TTI2: variants seen among roughly 807,000 people sequenced by gnomAD.
TTI2 encodes the protein TELO2 interacting protein 2.
In TTI2, 26 loss-of-function variants were observed where a neutral mutation model predicts 44.9. The ratio of observed to expected loss-of-function variants is 0.58; its 90% CI spans 0.42 to 0.80. The LOEUF (loss-of-function observed/expected upper bound fraction) is 0.80, where lower values mean the gene tolerates loss of function less well. Among genes scored for constraint, TTI2 ranks in the 30% least tolerant of loss-of-function variants. TTI2 has a pLI of 0.00. For synonymous variants in TTI2, 254 were observed against 250.9 expected, an observed-to-expected ratio of 1.01 and a Z score of -0.12; for missense variants, 582 against 611.6, an observed-to-expected ratio of 0.95 and a Z score of 0.51.
chr8:33,502,688 T>C (rs1013302130), intron 6 of TTI2, among the ~76,000 whole-genome samples: 5 of 150,970 alleles, frequency 3.3e-5, no homozygotes, highest in East Asian at 3.9e-4. Context: ...TAGCCAGGCA[T>C]GGTGGAGGGC....
rs760064246 is a variant in TTI2 at position 33,512,599 on chromosome 8, G to T, written c.15C>A (p.Ser5Arg). The T allele has an allele frequency of 6.2e-7, 1 of 1,613,184 alleles. No individual in the cohort carries two copies. The highest frequency in any genetic ancestry group is 1.7e-5 in the Admixed American group (1 of 60,016). Reference protein sequence around the residue: MELDSALEAPSQEDS... With the variant: MELDRALEAPSQEDS... ...CTTCCTGCGATGGGGCTTCCAGAGC[G>T]CTGTCAAGCTCCATTCCTGACTGCA... is the stretch of plus-strand genomic sequence containing the variant. The change falls in exon 2 of 8, where the codon AGC (serine) becomes AGA (arginine). Residue 5 changes from serine (S) to arginine (R), a missense_variant. Physicochemically the swap from Ser to Arg is moderately radical, Grantham distance 110. Transcript: ENST00000431156.
chr8:33,509,646 TAAGTA>T, intron 3 of TTI2, 95 bp downstream of exon 3: 1 of 1,210,964 alleles, frequency 8.3e-7, no homozygotes, highest in Non-Finnish European at 1.2e-6. Flanking sequence ...AAAATACAAA[TAAGTA>T]AAGTTGAATG....
At chr8:33,509,364 G>A (rs1038376142) in intron 3 of TTI2, among the ~76,000 whole-genome samples, 3 of 149,564 alleles carry the variant, frequency 2.0e-5, no homozygotes, top group Non-Finnish European at 4.4e-5. Context: ...GGCAGAGGCG[G>A]AGAATTGCTT....
intron 6 of TTI2, chr8:33,501,405 C>A (rs571846851): frequency 6.6e-6 from 1 of 152,314 alleles, no homozygotes; most frequent in Admixed American, 6.5e-5. Context: ...CATACGCATA[C>A]ACACATATTC....
Position 33,511,991 on chromosome 8 carries a change from C to T in TTI2, c.623G>A (p.Gly208Glu), listed in dbSNP as rs1405472060. The change falls in exon 2 of 8, where the codon GGG (glycine) becomes GAG (glutamate). Residue 208 changes from glycine (G) to glutamate (E), a missense_variant. By Grantham distance (98) the Gly-to-Glu change is moderately conservative (BLOSUM62 -2). Transcript: ENST00000431156. ...DEKGRLSVILGLLKPDLYKES... is the reference protein window; with the variant it reads ...DEKGRLSVILELLKPDLYKES... ...CTTATACAAGTCGGGTTTGAGAAGC[C>T]CTAGTATCACCGAAAGTCTCCCTTT... The T allele has an allele frequency of 6.2e-7, 1 of 1,614,130 alleles. No individual in the cohort carries two copies. Among genetic ancestry groups the T allele is most frequent in the East Asian group, 2.2e-5 (1 of 44,888 alleles).
At position 33,503,443 on chromosome 8, in the gene TTI2, T is replaced by C; in HGVS notation, c.1245A>G (p.Gln415=). The stretch of plus-strand genomic sequence containing the variant: ...GCTGCTATTACCTGGGCCAAGTATG[T>C]TGCATGAGAAGTTTTAGGGTTTCCA... The part of the protein sequence containing the change: ...KILETLKLLM[Q]HTWPRVSCRL... The change falls in exon 6 of 8, where the codon CAA becomes CAG. Residue 415 remains glutamine (Q), a synonymous_variant. Transcript: ENST00000431156. 1.2e-6 allele frequency: 2 copies of C among 1,614,148 alleles called. No homozygotes were observed. Among genetic ancestry groups the C allele is most frequent in the Non-Finnish European group, 1.7e-6 (2 of 1,180,026 alleles).
chr8:33,502,858 G>C (rs1809141669), intron 6 of TTI2, among the ~76,000 whole-genome samples: 1 of 147,684 alleles, frequency 6.8e-6, no homozygotes, highest in African/African-American at 2.5e-5. Context: ...GGCTGGGCAT[G>C]GTGGCTCACG....
At position 33,512,106 on chromosome 8, in the gene TTI2, C is replaced by G. The variant is rs749789444; in HGVS notation, c.508G>C (p.Glu170Gln). ...GAGGTGAGCACCTCCCTAGCAACTTCCCGAGATCTCGGAGTGGTCCATGGT... is the reference window on the plus strand; with the variant it reads ...GAGGTGAGCACCTCCCTAGCAACTTGCCGAGATCTCGGAGTGGTCCATGGT... ...EQPWTTPRSR[E>Q]VAREVLTSLL... Residue 170 changes from glutamate to glutamine, a missense_variant, in exon 2 of 8, where the codon GAA becomes CAA. Coordinates refer to ENST00000431156, the MANE Select transcript of TTI2 (RefSeq NM_001102401.4). The G allele has an allele frequency of 6.2e-7, 1 of 1,614,104 alleles. No homozygotes were observed.
Position 33,509,918 on chromosome 8 carries a change from T to G in TTI2, c.662A>C (p.Asn221Thr). ...KPDLYKESWK[N>T]NPAIKHVFSW... The stretch of plus-strand genomic sequence containing the variant: ...GAAAACATGTTTGATGGCAGGGTTA[T>G]TCTTCCAGGATTCCCTAAGTGAATA... Residue 221 changes from asparagine (N) to threonine (T), a missense_variant, in exon 3 of 8, where the codon AAT becomes ACT. Physicochemically the swap from Asn to Thr is moderately conservative, Grantham distance 65. Transcript: ENST00000431156. 1 of 1,612,150 alleles carries G rather than the reference T, an allele frequency of 6.2e-7. No homozygotes were observed. The highest frequency in any genetic ancestry group is 1.1e-5 in the South Asian group (1 of 91,010).
At chr8:33,504,338 C>T (rs1028318873) in intron 4 of TTI2, among the ~76,000 whole-genome samples, 2 of 119,914 alleles carry the variant, frequency 1.7e-5, no homozygotes, top group Admixed American at 1.1e-4. Context: ...ACTCTGTCAC[C>T]TAGGCTGAAG....
chr8:33,510,845 C>T (rs1478167579), intron 2 of TTI2, among the ~76,000 whole-genome samples: 1 of 152,108 alleles, frequency 6.6e-6, no homozygotes, highest in Non-Finnish European at 1.5e-5. Context: ...CCAGTGCTAA[C>T]AAAGTAGCAA....
Position 33,500,415 on chromosome 8 carries a change from A to T in TTI2, c.1335T>A (p.Leu445=), listed in dbSNP as rs766398137. ...LICDVARDPN[L]TPESVKSALL... ...GGGCGCTCTTAACAGACTCAGGTGT[A>T]AGGTTTGGATCCCTTGCTACATCAC... Residue 445 remains leucine, a synonymous_variant, in exon 7 of 8, where the codon CTT becomes CTA. Transcript: ENST00000431156. 1 of 1,614,140 alleles carries T rather than the reference A, an allele frequency of 6.2e-7. No homozygotes were observed. Among genetic ancestry groups the T allele is most frequent in the Non-Finnish European group, 8.5e-7 (1 of 1,180,014 alleles).
rs141543933 is a variant in TTI2 at position 33,510,330 on chromosome 8, G to A, written c.648-398C>T. Among the ~76,000 whole-genome samples, 376 of 152,298 alleles carry A rather than the reference G, an allele frequency of 2.5e-3. 5 individuals are homozygous for A. The highest frequency in any genetic ancestry group is 8.4e-3 in the African/African-American group (349 of 41,570). On this transcript the variant is annotated intron_variant, in intron 2 of 7. Coordinates refer to ENST00000431156, the MANE Select transcript of TTI2 (RefSeq NM_001102401.4). ...CACCTGTTAATCGCTAATAAAGTGA[G>A]TGTACACACGACTTAACTAATTCTC...
At chr8:33,504,424 C>T (rs1349736149) in intron 4 of TTI2, among the ~76,000 whole-genome samples, 3 of 150,648 alleles carry the variant, frequency 2.0e-5, no homozygotes, top group African/African-American at 4.9e-5. Context: ...AGCCACCTAA[C>T]TAGTTGGGAC....
intron 4 of TTI2, 92 bp downstream of exon 4, chr8:33,507,137 A>G: frequency 1.7e-6 from 2 of 1,152,062 alleles, no homozygotes; most frequent in Non-Finnish European, 2.6e-6. Context: ...CAAGGCAGGA[A>G]AATGTCTCTC....
At chr8:33,509,693 G>A in intron 3 of TTI2, 53 bp downstream of exon 3, 1 of 1,538,398 alleles carries the variant, frequency 6.5e-7, no homozygotes, top group South Asian at 1.1e-5. Flanking sequence ...AGAACAGCCA[G>A]GAATGACTCA....
chr8:33,506,389 C>CCTTTT (rs749681404), intron 4 of TTI2, among the ~76,000 whole-genome samples: 6 of 106,910 alleles, frequency 5.6e-5, no homozygotes, highest in African/African-American at 1.7e-4. Flanking sequence ...AAGTAACGTA[C>CCTTTT]TTTTTTTTTT....
At chr8:33,507,147 C>T in intron 4 of TTI2, 82 bp downstream of exon 4, 1 of 1,235,632 alleles carries the variant, frequency 8.1e-7, no homozygotes. Context: ...AAATGTCTCT[C>T]AATTACTACT....
chr8:33,505,316 C>T (rs906313896), intron 4 of TTI2, among the ~76,000 whole-genome samples: 1 of 151,950 alleles, frequency 6.6e-6, no homozygotes, highest in Admixed American at 6.6e-5. Flanking sequence ...ACGTTGCTTC[C>T]ACCTCTCATT....
Sources: allele counts gnomAD v4.1 joint callset (sites outside exome capture counted in the v4.1 genomes callset), GRCh38; gene constraint gnomAD v4.1.1; transcripts MANE v1.5; gene names NCBI Gene and HGNC (gene_info 2026-07-23, HGNC 2026-07-21).